Variants in CCSER1 observed in about 807,000 individuals in gnomAD.
The protein encoded by CCSER1 is serine-rich coiled-coil domain-containing protein 1.
Under a neutral mutation model 82.0 loss-of-function variants are expected in CCSER1, and 41 were observed. The observed-to-expected ratio is 0.50, with a 90% CI of 0.39 to 0.65. CCSER1 has a LOEUF of 0.65. Among genes scored for constraint, CCSER1 ranks in the 30% least tolerant of loss-of-function variants. The pLI is 0.00. For synonymous variants in CCSER1, 414 were observed against 383.9 expected (o/e 1.08, Z -0.92); for missense variants, 1,119 against 1,064.2 (o/e 1.05, Z -0.72).
chr4:90,602,168 T>C (rs1784110289), intron 5 of CCSER1, among the ~76,000 whole-genome samples: 1 of 152,116 alleles, frequency 6.6e-6, no homozygotes, highest in Non-Finnish European at 1.5e-5. Context: ...AGTCTATCAG[T>C]TTTGCTTCAT....
At chr4:91,172,747 T>A (rs1315237356) in intron 10 of CCSER1, among the ~76,000 whole-genome samples, 3 of 152,140 alleles carry the variant, frequency 2.0e-5, no homozygotes, top group Admixed American at 2.0e-4. Context: ...TAGTGGGGGA[T>A]GAAGAAAATA....
At chr4:90,896,948 C>T (rs1284223666) in intron 8 of CCSER1, among the ~76,000 whole-genome samples, 1 of 151,822 alleles carries the variant, frequency 6.6e-6, no homozygotes, top group Non-Finnish European at 1.5e-5. Context: ...TGCAATGGTA[C>T]ATAACCATTA....
At chr4:90,835,482 G>C (rs979277099) in intron 8 of CCSER1, among the ~76,000 whole-genome samples, 1 of 152,052 alleles carries the variant, frequency 6.6e-6, no homozygotes, top group Non-Finnish European at 1.5e-5. Context: ...TACTGTGTAC[G>C]GTATTTATTA....
At chr4:91,118,101 A>C (rs1222297656) in intron 10 of CCSER1, among the ~76,000 whole-genome samples, 1 of 152,134 alleles carries the variant, frequency 6.6e-6, no homozygotes, top group Admixed American at 6.6e-5. Flanking sequence ...GTTATCCCTG[A>C]TTCAATATTT....
intron 9 of CCSER1, among the ~76,000 whole-genome samples, chr4:91,016,223 AAAT>A (rs1255170609): frequency 4.6e-5 from 7 of 152,116 alleles, no homozygotes; most frequent in African/African-American, 1.7e-4. Context: ...TATCTTTTCA[AAAT>A]TAATATTAAC....
intron 9 of CCSER1, among the ~76,000 whole-genome samples, chr4:90,928,323 TA>T (rs980061554): frequency 4.6e-5 from 7 of 152,088 alleles, no homozygotes; most frequent in African/African-American, 1.7e-4. Context: ...TATTAACATG[TA>T]ATGGAGTCAC....
At chr4:90,548,048 T>C (rs2153639095) in intron 5 of CCSER1, among the ~76,000 whole-genome samples, 1 of 152,218 alleles carries the variant, frequency 6.6e-6, no homozygotes. Flanking sequence ...AGCCTCACGT[T>C]GGTATTGAGT....
chr4:90,262,123 C>A (rs1178024648), intron 1 of CCSER1, among the ~76,000 whole-genome samples: 1 of 151,448 alleles, frequency 6.6e-6, no homozygotes, highest in East Asian at 1.9e-4. Flanking sequence ...GGTTTGGATC[C>A]ATTGCTAGGG....
At chr4:90,730,893 T>C (rs1744585641) in intron 7 of CCSER1, among the ~76,000 whole-genome samples, 1 of 152,066 alleles carries the variant, frequency 6.6e-6, no homozygotes, top group Non-Finnish European at 1.5e-5. Flanking sequence ...AGAAATCTTA[T>C]CATAAAAGGT....
intron 4 of CCSER1, among the ~76,000 whole-genome samples, chr4:90,432,054 G>A (rs1051952323): frequency 2.0e-5 from 3 of 151,942 alleles, no homozygotes; most frequent in Non-Finnish European, 4.4e-5. Context: ...AGAAATCTTG[G>A]GTAGTGCCAG....
chr4:90,374,078 T>C (rs1274236423), intron 3 of CCSER1, among the ~76,000 whole-genome samples: 1 of 152,236 alleles, frequency 6.6e-6, no homozygotes, highest in Non-Finnish European at 1.5e-5. Flanking sequence ...GGCTAACTTA[T>C]TAGCTTGCAA....
intron 10 of CCSER1, among the ~76,000 whole-genome samples, chr4:91,537,358 A>T (rs1483092162): frequency 6.6e-6 from 1 of 152,080 alleles, no homozygotes; most frequent in Non-Finnish European, 1.5e-5. Flanking sequence ...ACAGAATAAA[A>T]TTAATTTTAA....
chr4:90,136,477 G>A (rs1317190208), intron 1 of CCSER1, among the ~76,000 whole-genome samples: 5 of 152,160 alleles, frequency 3.3e-5, no homozygotes, highest in Non-Finnish European at 7.4e-5. Flanking sequence ...TTGTATTTAT[G>A]TACCTATTCA....
intron 4 of CCSER1, among the ~76,000 whole-genome samples, chr4:90,404,527 AGT>A (rs1459778594): frequency 1.3e-5 from 2 of 152,200 alleles, no homozygotes; most frequent in African/African-American, 4.8e-5. Context: ...CCTTCTTGAA[AGT>A]GTTACTTCCT....
chr4:90,528,032 C>A (rs565257074), intron 5 of CCSER1, among the ~76,000 whole-genome samples: 11 of 152,156 alleles, frequency 7.2e-5, no homozygotes, highest in African/African-American at 2.6e-4. Flanking sequence ...TGATAACATA[C>A]AAGCAGTTAT....
At chr4:91,295,971 T>C (rs1744128207) in intron 10 of CCSER1, among the ~76,000 whole-genome samples, 1 of 151,960 alleles carries the variant, frequency 6.6e-6, no homozygotes, top group Admixed American at 6.6e-5. Context: ...TAAAGATGTA[T>C]GCCTTCTATA....
intron 10 of CCSER1, among the ~76,000 whole-genome samples, chr4:91,237,863 G>A (rs1350932730): frequency 6.6e-6 from 1 of 152,200 alleles, no homozygotes; most frequent in African/African-American, 2.4e-5. Flanking sequence ...TTGCTGAGCA[G>A]TGCTTGTCTG....
At chr4:91,411,519 TATATATAAAATCTTGACTAGTTA>T (rs1753044899) in intron 10 of CCSER1, among the ~76,000 whole-genome samples, 2 of 118,594 alleles carry the variant, frequency 1.7e-5, no homozygotes, top group African/African-American at 6.4e-5. Flanking sequence ...TATATATATA[TATATATAAAATCTTGACTAGTTA>T]ATATATTTAA....
chr4:91,027,435 G>A (rs1209290171), intron 9 of CCSER1, among the ~76,000 whole-genome samples: 1 of 151,386 alleles, frequency 6.6e-6, no homozygotes, highest in Non-Finnish European at 1.5e-5. Flanking sequence ...TCGTGCATAT[G>A]CAGAATAAAA....
Sources: allele counts gnomAD v4.1 joint callset (sites outside exome capture counted in the v4.1 genomes callset), GRCh38; gene constraint gnomAD v4.1.1; transcripts MANE v1.5; gene names NCBI Gene and HGNC (gene_info 2026-07-23, HGNC 2026-07-21).